The following UBXN2A variants were observed in gnomAD, a reference collection of about 807,000 sequenced individuals.
UBXN2A encodes UBX domain-containing protein 2A.
Under a neutral mutation model 28.4 loss-of-function variants are expected in UBXN2A, and 28 were observed. The observed-to-expected ratio is 0.99, with a 90% CI of 0.73 to 1.35. The LOEUF (loss-of-function observed/expected upper bound fraction) is 1.35. Ranked by LOEUF, UBXN2A falls within the 40% of genes most tolerant of loss-of-function variation. The probability of loss-of-function intolerance (pLI) is 0.00; values close to 1 mark genes in which losing one functional copy is unlikely to be tolerated. For synonymous variants in UBXN2A, 97 were observed against 103.6 expected (o/e 0.94, Z 0.39); for missense variants, 253 against 297.9 (o/e 0.85, Z 1.11).
chr2:23,939,967 G>C (rs1334651550), upstream of UBXN2A, among the ~76,000 whole-genome samples: 1 of 151,990 alleles, frequency 6.6e-6, no homozygotes, highest in Non-Finnish European at 1.5e-5. Context: ...AAAATTAGCC[G>C]GGCGTGCTGG....
At chr2:23,981,178 G>A (rs1707878486) in intron 4 of UBXN2A, among the ~76,000 whole-genome samples, 1 of 151,678 alleles carries the variant, frequency 6.6e-6, no homozygotes, top group Non-Finnish European at 1.5e-5. Flanking sequence ...CAAAGGTACA[G>A]GCCAGGTAGG....
At chr2:23,930,256 AGT>A (rs1304152005) in intron 1 of UBXN2A, among the ~76,000 whole-genome samples, 1 of 152,168 alleles carries the variant, frequency 6.6e-6, no homozygotes, top group East Asian at 1.9e-4. Flanking sequence ...TGGGCAACAT[AGT>A]GAGTCCCTGT....
intron 1 of UBXN2A, among the ~76,000 whole-genome samples, chr2:23,927,933 T>C (rs1705149210): frequency 6.6e-6 from 1 of 152,064 alleles, no homozygotes; most frequent in African/African-American, 2.4e-5. Flanking sequence ...CCCAGTACTT[T>C]GGGAGGCCGG....
chr2:23,938,351 AG>A (rs1197266950), upstream of UBXN2A, among the ~76,000 whole-genome samples: 1 of 152,092 alleles, frequency 6.6e-6, no homozygotes, highest in African/African-American at 2.4e-5. Flanking sequence ...CTATAATCCC[AG>A]CTACTTGGGA....
At chr2:23,990,257 T>C (rs1048771193) in intron 6 of UBXN2A, among the ~76,000 whole-genome samples, 1 of 151,718 alleles carries the variant, frequency 6.6e-6, no homozygotes, top group Non-Finnish European at 1.5e-5. Context: ...ACTGACATTC[T>C]GGGCTGCCTC....
chr2:23,977,612 G>T (rs1707726617), intron 4 of UBXN2A, among the ~76,000 whole-genome samples: 1 of 152,120 alleles, frequency 6.6e-6, no homozygotes. Context: ...TTGCACTCCA[G>T]CCTGGACAAC....
chr2:23,953,551 T>G (rs1706473289), intron 1 of UBXN2A, among the ~76,000 whole-genome samples: 1 of 152,228 alleles, frequency 6.6e-6, no homozygotes, highest in East Asian at 1.9e-4. Context: ...ATCCCGTCAC[T>G]ATTCAGATGT....
rs1707688186 is a variant in UBXN2A, at chr2:23,976,915, CA to C, written c.181-52del. ...ATAGAAGAAATTTTCAAAGGACTTT[CA>C]ATCCTACTACATTTTATTAACATGA... is the stretch of plus-strand genomic sequence containing the variant. On this transcript the variant is annotated intron_variant, in intron 3 of 6. Transcript: ENST00000309033. 7.5e-6 allele frequency: 11 copies of C among 1,464,510 alleles called. No homozygotes were observed. In the African/African-American group the frequency reaches 9.7e-5, roughly 13 times the overall value. 90.7% of individuals were successfully genotyped at this position (1,464,510 alleles called of 1,614,324 possible).
intron 1 of UBXN2A, among the ~76,000 whole-genome samples, chr2:23,950,741 A>G (rs1033685834): frequency 1.5e-5 from 2 of 137,498 alleles, no homozygotes; most frequent in African/African-American, 3.1e-5. Context: ...TTTTGCTCTT[A>G]CGCCCAGGCT....
At chr2:23,946,652 C>T (rs1210341237) in intron 1 of UBXN2A, among the ~76,000 whole-genome samples, 2 of 151,966 alleles carry the variant, frequency 1.3e-5, no homozygotes, top group Non-Finnish European at 2.9e-5. Context: ...GATGGAGTTT[C>T]ACCATATTGG....
chr2:23,945,871 G>A (rs1706052053), intron 1 of UBXN2A, among the ~76,000 whole-genome samples: 1 of 149,512 alleles, frequency 6.7e-6, no homozygotes, highest in Non-Finnish European at 1.5e-5. Context: ...TGTCACCCAG[G>A]CTGAACTGGA....
rs775978905 is a variant in UBXN2A at position 23,971,263 on chromosome 2, T to C, written c.42-13T>C. On this transcript the variant is annotated splice_polypyrimidine_tract_variant and intron_variant, in intron 2 of 6. Transcript: ENST00000309033. ...AATAGTTAATAGTGCCTGTTTTTCTTTATCTTGTTTAGGGTTTGTGAAACA... is the reference window on the plus strand; with the variant it reads ...AATAGTTAATAGTGCCTGTTTTTCTCTATCTTGTTTAGGGTTTGTGAAACA... 2.6e-6 allele frequency: 4 copies of C among 1,530,628 alleles called. No individual in the cohort carries two copies. Among genetic ancestry groups the C allele is most frequent in the Non-Finnish European group, 1.8e-6 (2 of 1,129,756 alleles). The allele number at this position is 1,530,628 out of a possible 1,614,324, so 94.8% of individuals were successfully genotyped here. A position where few individuals can be genotyped will look rare whatever the true frequency, so the allele number is the denominator to read the frequency against.
chr2:23,988,737 A>G (rs1708227670), intron 6 of UBXN2A, among the ~76,000 whole-genome samples: 1 of 152,014 alleles, frequency 6.6e-6, no homozygotes, highest in Non-Finnish European at 1.5e-5. Flanking sequence ...GTTGCTCACA[A>G]GACCTCAGAT....
intron 1 of UBXN2A, among the ~76,000 whole-genome samples, chr2:23,953,105 A>G (rs1302748920): frequency 1.3e-5 from 2 of 152,142 alleles, no homozygotes; most frequent in Non-Finnish European, 2.9e-5. Flanking sequence ...GTTATATTTC[A>G]TAAGGATTCA....
At position 23,999,702 on chromosome 2, in the gene UBXN2A, A is replaced by G. The variant is rs1361624763; in HGVS notation, c.615A>G (p.Lys205=). The change falls in exon 7 of 7, where the codon AAA becomes AAG. Residue 205 remains lysine, a synonymous_variant. Coordinates refer to ENST00000309033, the MANE Select transcript of UBXN2A (RefSeq NM_181713.4). The part of the protein sequence containing the change: ...RVSHIKDFIE[K]YQGSQRSPPF... ...GCCATATCAAAGACTTCATTGAAAA[A>G]TACCAAGGATCTCAAAGAAGTCCTC... 1.2e-6 allele frequency: 2 copies of G among 1,614,036 alleles called. No homozygotes were observed. The highest frequency in any genetic ancestry group is 2.2e-5 in the East Asian group (1 of 44,884).
chr2:23,942,565 C>T (rs910976487), intron 1 of UBXN2A, among the ~76,000 whole-genome samples: 3 of 150,070 alleles, frequency 2.0e-5, no homozygotes, highest in Admixed American at 6.7e-5. Flanking sequence ...GACTATAATG[C>T]GCGCCACCAT....
intron 6 of UBXN2A, among the ~76,000 whole-genome samples, chr2:23,985,597 A>T (rs1034455636): frequency 8.2e-6 from 1 of 121,488 alleles, no homozygotes; most frequent in Non-Finnish European, 1.7e-5. Flanking sequence ...AATTATGTCT[A>T]GACAGTTTTT....
At chr2:23,945,798 TAATTATGCATTTAATTC>T (rs1346302769) in intron 1 of UBXN2A, among the ~76,000 whole-genome samples, 3 of 152,092 alleles carry the variant, frequency 2.0e-5, no homozygotes, top group African/African-American at 7.2e-5. Flanking sequence ...ATTTAATTTT[TAATTATGCATTTAATTC>T]TTTTTTTTTC....
rs142557059 is a variant in UBXN2A at position 23,985,448 on chromosome 2, C to T, written c.584+617C>T. Reference sequence around the variant, plus strand: ...ATTTTTAGTAGAGACGGGGTTTCACCAGGAGTTTGGCCAGGGTGGTCTCAA... The same window carrying T: ...ATTTTTAGTAGAGACGGGGTTTCACTAGGAGTTTGGCCAGGGTGGTCTCAA... On this transcript the variant is annotated intron_variant, in intron 6 of 6. Coordinates refer to ENST00000309033, the MANE Select transcript of UBXN2A (RefSeq NM_181713.4). Among the ~76,000 whole-genome samples, 357 of 152,160 alleles carry T rather than the reference C, an allele frequency of 2.3e-3. 1 individual carries two copies. Among genetic ancestry groups the T allele is most frequent in the African/African-American group, 7.4e-3 (307 of 41,508 alleles).
Sources: allele counts gnomAD v4.1 joint callset (sites outside exome capture counted in the v4.1 genomes callset), GRCh38; gene constraint gnomAD v4.1.1; transcripts MANE v1.5; gene names NCBI Gene and HGNC (gene_info 2026-07-23, HGNC 2026-07-21).